ANXA8: variants seen among roughly 807,000 people sequenced by gnomAD.
ANXA8 encodes VAC-beta.
In ANXA8, 9 loss-of-function variants were observed where a neutral mutation model predicts 26.8. The observed-to-expected ratio is 0.34, with a 90% CI of 0.20 to 0.59. The LOEUF (loss-of-function observed/expected upper bound fraction) is 0.59, where lower values mean the gene tolerates loss of function less well. Ranked by LOEUF, ANXA8 falls within the 20% of genes least tolerant of loss-of-function variation. The pLI is 0.84. For missense variants in ANXA8, 83 were observed against 238.5 expected (o/e 0.35, Z 4.29); for synonymous variants, 39 against 94.8 (o/e 0.41, Z 3.42).
the ANXA8 span, among the ~76,000 whole-genome samples, chr10:47,944,986 T>C: frequency 6.7e-6 from 1 of 149,932 alleles, no homozygotes; most frequent in Non-Finnish European, 1.5e-5. Context: ...CTCCCAGGAT[T>C]TTGTATCTGC....
chr10:47,725,562 T>C, the ANXA8 span, among the ~76,000 whole-genome samples: 1 of 137,558 alleles, frequency 7.3e-6, no homozygotes, highest in East Asian at 2.1e-4. Context: ...TATCTAGTTG[T>C]CCCAGCATGA....
At chr10:47,777,219 A>C in the ANXA8 span, among the ~76,000 whole-genome samples, 1 of 151,474 alleles carries the variant, frequency 6.6e-6, no homozygotes, top group African/African-American at 2.4e-5. Context: ...TCCCCTCCCC[A>C]GGGGAGACAA....
the ANXA8 span, among the ~76,000 whole-genome samples, chr10:47,953,070 G>A: frequency 7.3e-5 from 11 of 150,518 alleles, no homozygotes; most frequent in Admixed American, 2.6e-4. Context: ...AGATTTCTCA[G>A]GGCACATAAA....
At chr10:47,733,185 CT>C in the ANXA8 span, among the ~76,000 whole-genome samples, 2 of 113,712 alleles carry the variant, frequency 1.8e-5, no homozygotes, top group Admixed American at 9.0e-5. Flanking sequence ...TTCTTTCTTT[CT>C]TTCTTTCTTT....
At chr10:47,534,613 A>T in the ANXA8 span, among the ~76,000 whole-genome samples, 10 of 108,996 alleles carry the variant, frequency 9.2e-5, no homozygotes, top group Non-Finnish European at 1.3e-4. Context: ...TATTTTGGAT[A>T]TTTTTTAAAA....
At chr10:47,501,401 A>C in the ANXA8 span, among the ~76,000 whole-genome samples, 1 of 142,080 alleles carries the variant, frequency 7.0e-6, no homozygotes, top group African/African-American at 2.6e-5. Flanking sequence ...CATCCAGTTC[A>C]ATTTATAAAT....
the ANXA8 span, among the ~76,000 whole-genome samples, chr10:47,555,954 A>AAAGAAAAGACAGATAAAACATTTTG: frequency 6.6e-6 from 1 of 151,990 alleles, no homozygotes; most frequent in Non-Finnish European, 1.5e-5. Flanking sequence ...AGAGAATGAA[A>AAAGAAAAGACAGATAAAACATTTTG]AAGAAAAGAC....
the ANXA8 span, among the ~76,000 whole-genome samples, chr10:47,736,661 T>C: frequency 6.6e-6 from 1 of 151,014 alleles, no homozygotes; most frequent in Non-Finnish European, 1.5e-5. Flanking sequence ...TTTTTTCTTT[T>C]TCTTTTTTTT....
chr10:47,906,850 TC>T, the ANXA8 span, among the ~76,000 whole-genome samples: 169 of 115,364 alleles, frequency 1.5e-3, no homozygotes, highest in African/African-American at 5.5e-3. Flanking sequence ...AATACTGAAA[TC>T]TTTTTAGAAG....
the ANXA8 span, among the ~76,000 whole-genome samples, chr10:47,509,909 TCTCA>T: frequency 1.4e-5 from 2 of 140,046 alleles, no homozygotes; most frequent in Non-Finnish European, 3.1e-5. Context: ...AACCTATCCT[TCTCA>T]CTGTGTTCAA....
chr10:47,577,075 T>A, the ANXA8 span, among the ~76,000 whole-genome samples: 1 of 147,218 alleles, frequency 6.8e-6, no homozygotes, highest in Non-Finnish European at 1.5e-5. Context: ...AAGGCAGTGG[T>A]GGTGTGCTGG....
At chr10:47,746,363 GC>G in the ANXA8 span, among the ~76,000 whole-genome samples, 2 of 61,718 alleles carry the variant, frequency 3.2e-5, 1 homozygote, top group Non-Finnish European at 7.6e-5. Flanking sequence ...GGTGGCACAT[GC>G]CTGTAATCCC....
chr10:47,740,650 G>A, the ANXA8 span, among the ~76,000 whole-genome samples: 148 of 123,450 alleles, frequency 1.2e-3, no homozygotes, highest in Non-Finnish European at 1.8e-3. Flanking sequence ...ACCTAAGAAT[G>A]TTTTTCAGGC....
chr10:47,966,417 C>T, the ANXA8 span, among the ~76,000 whole-genome samples: 1 of 151,010 alleles, frequency 6.6e-6, no homozygotes, highest in Non-Finnish European at 1.5e-5. Flanking sequence ...TGACCCGAAT[C>T]CCTGGAGAAG....
the ANXA8 span, among the ~76,000 whole-genome samples, chr10:47,701,888 A>T: frequency 3.3e-5 from 5 of 151,690 alleles, no homozygotes; most frequent in Non-Finnish European, 5.9e-5. Context: ...GGTGGGGAAG[A>T]AAAGAACAAA....
chr10:47,658,061 T>C, the ANXA8 span, among the ~76,000 whole-genome samples: 1 of 151,812 alleles, frequency 6.6e-6, no homozygotes. Flanking sequence ...TCTCCATCTG[T>C]CAGTATGTTC....
the ANXA8 span, among the ~76,000 whole-genome samples, chr10:47,546,513 C>T: frequency 2.3e-5 from 3 of 128,976 alleles, no homozygotes; most frequent in Non-Finnish European, 4.8e-5. Flanking sequence ...TGCCATTCTT[C>T]TGCCTCAGCC....
chr10:47,651,062 C>T, the ANXA8 span, among the ~76,000 whole-genome samples: 3 of 150,688 alleles, frequency 2.0e-5, no homozygotes, highest in Admixed American at 6.6e-5. Flanking sequence ...GGGAGATAGG[C>T]GTGGTTTGTG....
At chr10:47,983,431 T>C in the ANXA8 span, among the ~76,000 whole-genome samples, 2 of 145,456 alleles carry the variant, frequency 1.4e-5, no homozygotes, top group East Asian at 3.9e-4. Flanking sequence ...TTCACTAAAC[T>C]CCACTGAAGG....
Sources: gnomAD v4.1 joint callset for allele counts (sites outside exome capture counted in the v4.1 genomes callset) on GRCh38, gnomAD v4.1.1 for gene constraint, MANE v1.5 for transcripts, NCBI Gene and HGNC (gene_info 2026-07-23, HGNC 2026-07-21) for gene names.